The following PITPNC1 variants were observed in gnomAD, a reference collection of about 807,000 sequenced individuals.
PITPNC1 encodes phosphatidylinositol transfer protein cytoplasmic 1.
A neutral mutation model predicts 44.7 loss-of-function variants in PITPNC1; 18 were observed. The ratio of observed to expected loss-of-function variants is 0.40; its 90% confidence interval spans 0.28 to 0.60. The LOEUF (loss-of-function observed/expected upper bound fraction) is 0.60, where lower values mean the gene tolerates loss of function less well. PITPNC1 is among the 20% of genes least tolerant of loss of function. The pLI is 0.39. For synonymous variants in PITPNC1, 141 were observed against 149.6 expected (o/e 0.94, Z 0.42); for missense variants, 290 against 418.4 (o/e 0.69, Z 2.68).
At chr17:67,689,697 A>G (rs1205928694) in intron 8 of PITPNC1, among the ~76,000 whole-genome samples, 1 of 152,226 alleles carries the variant, frequency 6.6e-6, no homozygotes, top group Non-Finnish European at 1.5e-5. Context: ...AACTTCTAAG[A>G]GCCTCTGGGA....
chr17:67,504,407 G>A (rs557439742), intron 1 of PITPNC1, among the ~76,000 whole-genome samples: 1 of 152,306 alleles, frequency 6.6e-6, no homozygotes, highest in African/African-American at 2.4e-5. Flanking sequence ...AACTGAAAAG[G>A]CATGGAGGTA....
chr17:67,551,797 C>G (rs1258842430), intron 2 of PITPNC1, among the ~76,000 whole-genome samples: 1 of 152,208 alleles, frequency 6.6e-6, no homozygotes, highest in East Asian at 1.9e-4. Flanking sequence ...TTGCTGCTCT[C>G]TGTTGGTTTT....
chr17:67,606,427 G>T (rs1022159143), intron 5 of PITPNC1, among the ~76,000 whole-genome samples: 1 of 152,208 alleles, frequency 6.6e-6, no homozygotes, highest in African/African-American at 2.4e-5. Flanking sequence ...TGTTCTTAGA[G>T]AGTGAAGTTT....
intron 1 of PITPNC1, among the ~76,000 whole-genome samples, chr17:67,490,562 G>A (rs2039851056): frequency 6.6e-6 from 1 of 152,116 alleles, no homozygotes; most frequent in African/African-American, 2.4e-5. Context: ...TAACAATAAT[G>A]AGCTTTGGGA....
intron 6 of PITPNC1, among the ~76,000 whole-genome samples, chr17:67,651,087 G>A (rs1279624246): frequency 6.6e-6 from 1 of 152,092 alleles, no homozygotes; most frequent in Non-Finnish European, 1.5e-5. Flanking sequence ...ACTGCTTCTG[G>A]CATGATTTGC....
At chr17:67,398,242 TAATC>T (rs1381610915) in intron 1 of PITPNC1, among the ~76,000 whole-genome samples, 3 of 152,140 alleles carry the variant, frequency 2.0e-5, no homozygotes, top group African/African-American at 7.2e-5. Flanking sequence ...TTAATCAAAA[TAATC>T]AACACATTTT....
chr17:67,610,728 C>T (rs1598884043), intron 5 of PITPNC1, among the ~76,000 whole-genome samples: 1 of 152,106 alleles, frequency 6.6e-6, no homozygotes, highest in African/African-American at 2.4e-5. Context: ...TGAGACCATC[C>T]TGGCCAACAT....
At chr17:67,629,528 C>T (rs1215811775) in intron 5 of PITPNC1, among the ~76,000 whole-genome samples, 1 of 152,180 alleles carries the variant, frequency 6.6e-6, no homozygotes, top group East Asian at 1.9e-4. Context: ...CGCCCGACAT[C>T]AGCCTCCCGA....
Position 67,550,524 on chromosome 17 carries a change from G to C in PITPNC1, c.198-1733G>C, listed in dbSNP as rs143042095. Among the ~76,000 whole-genome samples, 173 of 150,220 alleles carry C rather than the reference G, an allele frequency of 1.2e-3. 1 individual carries two copies. In the East Asian group the frequency reaches 0.033, roughly 28 times the overall value. ...ATCCAAGAGGGGTTTGAGACTTGGG[G>C]TTCTGTTAGCTCCATGTCCCTTCCA... On this transcript the variant is annotated intron_variant, in intron 2 of 8. Transcript: ENST00000581322.
chr17:67,655,849 G>C (rs2042260379), intron 6 of PITPNC1, among the ~76,000 whole-genome samples: 1 of 152,056 alleles, frequency 6.6e-6, no homozygotes, highest in Non-Finnish European at 1.5e-5. Flanking sequence ...AGGATCACTT[G>C]AGCCCAGGAG....
At chr17:67,594,306 TTTCAC>T (rs1440331992) in intron 5 of PITPNC1, among the ~76,000 whole-genome samples, 1 of 152,188 alleles carries the variant, frequency 6.6e-6, no homozygotes, top group African/African-American at 2.4e-5. Context: ...CTCTTTTCTC[TTTCAC>T]TTCAGTTATA....
intron 5 of PITPNC1, among the ~76,000 whole-genome samples, chr17:67,600,719 G>T (rs898180637): frequency 2.6e-5 from 4 of 151,614 alleles, no homozygotes; most frequent in African/African-American, 9.7e-5. Flanking sequence ...TTGCCATATA[G>T]CTAACTCATA....
At chr17:67,529,832 C>G (rs757912732) in intron 1 of PITPNC1, among the ~76,000 whole-genome samples, 4 of 152,156 alleles carry the variant, frequency 2.6e-5, no homozygotes. Context: ...CCTGTAATCC[C>G]AGCTGCTTGG....
chr17:67,609,698 T>C (rs931626889), intron 5 of PITPNC1, among the ~76,000 whole-genome samples: 5 of 151,824 alleles, frequency 3.3e-5, no homozygotes, highest in Admixed American at 3.3e-4. Context: ...GTGGACTCTT[T>C]CTATCCTGTG....
intron 1 of PITPNC1, among the ~76,000 whole-genome samples, chr17:67,443,161 G>C (rs1382492756): frequency 2.6e-5 from 4 of 152,040 alleles, no homozygotes; most frequent in African/African-American, 7.2e-5. Flanking sequence ...CGCCTGCCCT[G>C]TCTGGCCCTG....
At chr17:67,581,659 C>T (rs1299593734) in intron 5 of PITPNC1, among the ~76,000 whole-genome samples, 1 of 152,210 alleles carries the variant, frequency 6.6e-6, no homozygotes, top group African/African-American at 2.4e-5. Flanking sequence ...GACTTCTTTG[C>T]CAATTTGCCC....
At chr17:67,379,413 A>C (rs900972455) in intron 1 of PITPNC1, 10 of 979,202 alleles carry the variant, frequency 1.0e-5, no homozygotes, top group Non-Finnish European at 1.2e-5. Flanking sequence ...AGTACAATCC[A>C]AGACAAGATC....
At chr17:67,634,293 A>T (rs1002098991) in intron 6 of PITPNC1, among the ~76,000 whole-genome samples, 1 of 152,180 alleles carries the variant, frequency 6.6e-6, no homozygotes, top group African/African-American at 2.4e-5. Flanking sequence ...TAAGATGGGG[A>T]TGTCTGGGCA....
chr17:67,686,987 C>A, intron 8 of PITPNC1: 1 of 808,392 alleles, frequency 1.2e-6, no homozygotes, highest in South Asian at 1.5e-5. Flanking sequence ...TACTGCTCAG[C>A]TACCATCTTT....
Sources: gnomAD v4.1 joint callset for allele counts (sites outside exome capture counted in the v4.1 genomes callset) on GRCh38, gnomAD v4.1.1 for gene constraint, MANE v1.5 for transcripts, NCBI Gene and HGNC (gene_info 2026-07-23, HGNC 2026-07-21) for gene names.